The following EGFR variants were observed in gnomAD, a reference collection of about 807,000 sequenced individuals.
The protein encoded by EGFR is avian erythroblastic leukemia viral (v-erb-b) oncogene homolog.
EGFR carries 58 observed loss-of-function variants against 143.0 expected under a neutral mutation model. That is an observed-to-expected ratio of 0.41 (90% confidence interval 0.33 to 0.50). EGFR has a LOEUF of 0.50. Ranked by LOEUF, EGFR falls within the 20% of genes least tolerant of loss-of-function variation. The pLI, the probability that EGFR is intolerant of heterozygous loss-of-function variation, is 0.39. For synonymous variants in EGFR, 613 were observed against 594.4 expected, an observed-to-expected ratio of 1.03 and a Z score of -0.45; for missense variants, 1,307 against 1,579.0, an observed-to-expected ratio of 0.83 and a Z score of 2.92.
intron 1 of EGFR, among the ~76,000 whole-genome samples, chr7:55,132,202 C>T (rs745897443): frequency 2.6e-5 from 4 of 152,098 alleles, no homozygotes; most frequent in Non-Finnish European, 5.9e-5. Flanking sequence ...AACATTTAAA[C>T]CATCTTGGGC....
In EGFR at chr7:55,068,002, C is replaced by G. The variant is rs959665357; in HGVS notation, c.88+48637C>G. On this transcript the variant is annotated intron_variant, in intron 1 of 27. Coordinates refer to ENST00000275493, the MANE Select transcript of EGFR (RefSeq NM_005228.5). ...TGTGTGCATGTGTGTATATGTGTGT[C>G]TGTGGGCACAGGTGTGCCTGTGTGT... Among the ~76,000 whole-genome samples, 7 of 149,976 alleles carry G rather than the reference C, an allele frequency of 4.7e-5. 1 individual carries two copies. Among genetic ancestry groups the G allele is most frequent in the African/African-American group, 1.8e-4 (7 of 39,894 alleles).
intron 1 of EGFR, among the ~76,000 whole-genome samples, chr7:55,098,728 C>T (rs1281138759): frequency 2.6e-5 from 4 of 152,192 alleles, no homozygotes; most frequent in African/African-American, 9.6e-5. Flanking sequence ...TGTCATCAAA[C>T]AGATAGTAAG....
intron 1 of EGFR, 99 bp from the exon 2 acceptor site, chr7:55,142,187 G>A: frequency 6.8e-7 from 1 of 1,472,056 alleles, no homozygotes; most frequent in Admixed American, 1.7e-5. Context: ...AGAGAGTGAA[G>A]AAACTGCTAC....
At chr7:55,188,419 C>T (rs535908484) in intron 20 of EGFR, among the ~76,000 whole-genome samples, 27 of 152,348 alleles carry the variant, frequency 1.8e-4, no homozygotes, top group African/African-American at 6.3e-4. Flanking sequence ...TAAGCCCCGA[C>T]AGCCATGTGG....
rs189068961 is a variant in EGFR at position 55,051,897 on chromosome 7, T to A, written c.88+32532T>A. On this transcript the variant is annotated intron_variant, in intron 1 of 27. Coordinates refer to ENST00000275493, the MANE Select transcript of EGFR (RefSeq NM_005228.5). ...CTGGAAAACTCCCCCCACAAATCTT[T>A]AGTTGTAGGTTCCTTCTCATCTTGC... 7.9e-5 allele frequency among the ~76,000 whole-genome samples: 12 copies of A among 152,314 alleles called. No individual in the cohort carries two copies. The East Asian group carries it at 2.3e-3, about 29-fold the overall frequency.
Position 55,206,543 on chromosome 7 carries a change from G to A in EGFR, c.*926G>A, listed in dbSNP as rs886062382. 7 of 233,030 alleles carry A rather than the reference G, an allele frequency of 3.0e-5. No individual in the cohort carries two copies. The highest frequency in any genetic ancestry group is 1.8e-4 in the South Asian group (1 of 5,524). 14.4% of individuals were successfully genotyped at this position (233,030 alleles called of 1,614,324 possible). ...TAAGGATAGCACCGCTTTTGTTCTC[G>A]CAAAAACGTATCTCCTAATTTGAGG... On this transcript the variant is annotated 3_prime_UTR_variant, in exon 28 of 28. Coordinates refer to ENST00000275493, the MANE Select transcript of EGFR (RefSeq NM_005228.5).
At chr7:55,031,439 A>C (rs893698730) in intron 1 of EGFR, among the ~76,000 whole-genome samples, 3 of 152,222 alleles carry the variant, frequency 2.0e-5, no homozygotes, top group African/African-American at 7.2e-5. Context: ...GAATCAGGTG[A>C]GTTGCCTACT....
At chr7:55,151,436 T>C (rs375357597) in intron 5 of EGFR, 74 bp downstream of exon 5, 1 of 1,509,116 alleles carries the variant, frequency 6.6e-7, no homozygotes, top group East Asian at 2.3e-5. Flanking sequence ...TGATTGGATT[T>C]GTTTTCCCTC....
chr7:55,174,751 TA>T lies in EGFR; in HGVS notation c.2218del (p.Ile740PhefsTer8). The part of the protein sequence containing the change: ...GLWIPEGEKV[K>X]IPVAIKELRE... The stretch of plus-strand genomic sequence containing the variant: ...TCTGGATCCCAGAAGGTGAGAAAGT[TA>T]AAATTCCCGTCGCTATCAAGGAATT... On this transcript the variant is annotated frameshift_variant, in exon 19 of 28. Transcript: ENST00000275493. LOFTEE classifies it high-confidence loss of function. The T allele has an allele frequency of 6.2e-7, 1 of 1,614,016 alleles. No individual in the cohort carries two copies. The highest frequency in any genetic ancestry group is 8.5e-7 in the Non-Finnish European group (1 of 1,179,938).
chr7:55,067,850 G>C (rs770892801), intron 1 of EGFR, among the ~76,000 whole-genome samples: 1 of 151,272 alleles, frequency 6.6e-6, no homozygotes, highest in Non-Finnish European at 1.5e-5. Context: ...GCACGTGTGC[G>C]CCTGTGTGTG....
In EGFR at chr7:55,156,655, A is replaced by T; in HGVS notation, c.1129A>T (p.Arg377Trp). 1 of 1,614,270 alleles carries T rather than the reference A, an allele frequency of 6.2e-7. No individual in the cohort carries two copies. Among genetic ancestry groups the T allele is most frequent in the Non-Finnish European group, 8.5e-7 (1 of 1,180,052 alleles). The stretch of plus-strand genomic sequence containing the variant: ...TCTCCACATCCTGCCGGTGGCATTT[A>T]GGGGGTGAGTCACAGGTTCAGTTGC... ...GDLHILPVAF[R>W]GDSFTHTPPL... The change falls in exon 9 of 28, where the codon AGG becomes TGG. Residue 377 changes from arginine (R) to tryptophan (W), a missense_variant. Coordinates refer to ENST00000275493, the MANE Select transcript of EGFR (RefSeq NM_005228.5).
intron 2 of EGFR, among the ~76,000 whole-genome samples, chr7:55,142,852 G>T (rs566460460): frequency 2.2e-4 from 34 of 152,260 alleles, no homozygotes; most frequent in African/African-American, 7.7e-4. Context: ...CTTATTTCAC[G>T]ATAGGCGCTA....
intron 15 of EGFR, among the ~76,000 whole-genome samples, chr7:55,166,709 G>T (rs1255614726): frequency 7.1e-6 from 1 of 141,086 alleles, no homozygotes; most frequent in Non-Finnish European, 1.5e-5. Context: ...GTTGATGGTG[G>T]TGAGGAGGTG....
At chr7:55,182,347 G>A (rs2128959550) in intron 20 of EGFR, 1 of 152,506 alleles carries the variant, frequency 6.6e-6, no homozygotes, top group East Asian at 1.9e-4. Flanking sequence ...ACCAGAGGGA[G>A]GGAGCAGACA....
intron 1 of EGFR, among the ~76,000 whole-genome samples, chr7:55,110,407 G>A (rs150447467): frequency 7.1e-4 from 108 of 152,264 alleles, no homozygotes; most frequent in Non-Finnish European, 1.3e-3. Context: ...AAGCCTGCCC[G>A]GTCTGCGGGG....
intron 1 of EGFR, among the ~76,000 whole-genome samples, chr7:55,036,181 A>T (rs775638849): frequency 2.0e-5 from 3 of 147,962 alleles, no homozygotes; most frequent in Non-Finnish European, 4.4e-5. Flanking sequence ...CGTTGAACAA[A>T]CCAGATACTT....
chr7:55,035,115 C>T (rs1195253124), intron 1 of EGFR, among the ~76,000 whole-genome samples: 1 of 152,042 alleles, frequency 6.6e-6, no homozygotes, highest in South Asian at 2.1e-4. Context: ...GAGGCAAAAC[C>T]TTTTATTCTC....
intron 27 of EGFR, 174 bp downstream of exon 27, chr7:55,202,799 C>T (rs1403028172): frequency 1.4e-6 from 1 of 717,570 alleles, no homozygotes; most frequent in Admixed American, 2.0e-5. Context: ...CATGACCGAG[C>T]CTGCACAAGC....
chr7:55,115,927 G>A (rs1792812279), intron 1 of EGFR, among the ~76,000 whole-genome samples: 2 of 152,194 alleles, frequency 1.3e-5, no homozygotes, highest in African/African-American at 4.8e-5. Flanking sequence ...AGAGATGCAT[G>A]CCCACAGCCA....
Sources: allele counts gnomAD v4.1 joint callset (sites outside exome capture counted in the v4.1 genomes callset), GRCh38; gene constraint gnomAD v4.1.1; transcripts MANE v1.5; gene names NCBI Gene and HGNC (gene_info 2026-07-23, HGNC 2026-07-21).